ST8SIA6: variants seen among roughly 807,000 people sequenced by gnomAD.
ST8SIA6 encodes the protein alpha-2,8-sialyltransferase 8F.
ST8SIA6 carries 39 observed loss-of-function variants against 33.6 expected under a neutral mutation model. The ratio of observed to expected loss-of-function variants is 1.16; its 90% CI spans 0.90 to 1.52. ST8SIA6 has a LOEUF of 1.52. Ranked by LOEUF, ST8SIA6 falls within the 40% of genes most tolerant of loss-of-function variation. ST8SIA6 has a pLI of 0.00. For synonymous variants in ST8SIA6, 172 were observed against 167.2 expected, an observed-to-expected ratio of 1.03 and a Z score of -0.22; for missense variants, 441 against 443.8, an observed-to-expected ratio of 0.99 and a Z score of 0.06.
intron 4 of ST8SIA6, among the ~76,000 whole-genome samples, chr10:17,333,717 A>ATATTT (rs1251981910): frequency 1.8e-4 from 6 of 33,758 alleles, no homozygotes; most frequent in African/African-American, 5.2e-4. Context: ...ATATATATAT[A>ATATTT]TTTTTTTTTT....
At chr10:17,368,849 C>T (rs1189546664) in intron 3 of ST8SIA6, among the ~76,000 whole-genome samples, 1 of 152,032 alleles carries the variant, frequency 6.6e-6, no homozygotes, top group Non-Finnish European at 1.5e-5. Flanking sequence ...ACCTCTGAGT[C>T]ACTCATGAAT....
chr10:17,429,119 T>C (rs2131719240), intron 2 of ST8SIA6, among the ~76,000 whole-genome samples: 1 of 152,004 alleles, frequency 6.6e-6, no homozygotes, highest in East Asian at 1.9e-4. Flanking sequence ...TTATATCTAG[T>C]ATTAGTAGAT....
chr10:17,377,351 T>C (rs1323980981), intron 3 of ST8SIA6, among the ~76,000 whole-genome samples: 3 of 152,246 alleles, frequency 2.0e-5, no homozygotes, highest in Non-Finnish European at 4.4e-5. Context: ...AAAAGCTTTA[T>C]TGTTCACACA....
chr10:17,347,356 G>A (rs1175116377), intron 4 of ST8SIA6, among the ~76,000 whole-genome samples: 1 of 152,164 alleles, frequency 6.6e-6, no homozygotes, highest in Non-Finnish European at 1.5e-5. Context: ...GACAGCAAGG[G>A]TCATGCAGGG....
Position 17,317,058 on chromosome 10 carries a change from T to C in ST8SIA6, c.*3820A>G, listed in dbSNP as rs539594279. ...GTATCTCAAACATAATTCTCCTACA[T>C]TTTCTTCTATGAGCTTTAAAGTTTT... On this transcript the variant is annotated 3_prime_UTR_variant, in exon 8 of 8. Coordinates refer to ENST00000377602, the MANE Select transcript of ST8SIA6 (RefSeq NM_001004470.3). Among the ~76,000 whole-genome samples, 5 of 152,294 alleles carry C rather than the reference T, an allele frequency of 3.3e-5. No homozygotes were observed. In the South Asian group the frequency reaches 1.0e-3, roughly 32 times the overall value.
chr10:17,365,904 A>T (rs1849543069), intron 3 of ST8SIA6, among the ~76,000 whole-genome samples: 1 of 152,170 alleles, frequency 6.6e-6, no homozygotes, highest in African/African-American at 2.4e-5. Flanking sequence ...CAGTAATATT[A>T]AGTCAGTAGT....
intron 3 of ST8SIA6, among the ~76,000 whole-genome samples, chr10:17,377,705 A>G (rs976662389): frequency 6.6e-6 from 1 of 152,244 alleles, no homozygotes. Flanking sequence ...CCCTCCCACT[A>G]TAACTCCATC....
intron 2 of ST8SIA6, among the ~76,000 whole-genome samples, chr10:17,450,536 G>A (rs76271788): frequency 0.014 from 2,058 of 152,246 alleles, 26 homozygotes; most frequent in Non-Finnish European, 0.022. Flanking sequence ...CCCTTCGTTG[G>A]TTCAAGCGAT....
At chr10:17,449,708 G>C (rs982176070) in intron 2 of ST8SIA6, among the ~76,000 whole-genome samples, 2 of 152,156 alleles carry the variant, frequency 1.3e-5, no homozygotes, top group African/African-American at 4.8e-5. Context: ...TAAGGCTTGA[G>C]CTTGAGTTAG....
intron 2 of ST8SIA6, among the ~76,000 whole-genome samples, chr10:17,441,154 T>G (rs1852476543): frequency 6.6e-6 from 1 of 152,130 alleles, no homozygotes. Flanking sequence ...ATTATGCTTT[T>G]GGTGCCACAT....
At chr10:17,349,546 G>A (rs1473676415) in intron 4 of ST8SIA6, among the ~76,000 whole-genome samples, 1 of 152,156 alleles carries the variant, frequency 6.6e-6, no homozygotes. Context: ...CCATTTTACT[G>A]ATAAAGACAC....
chr10:17,350,911 T>A (rs1205674901), intron 4 of ST8SIA6, among the ~76,000 whole-genome samples: 1 of 152,188 alleles, frequency 6.6e-6, no homozygotes, highest in Non-Finnish European at 1.5e-5. Flanking sequence ...GAAGGTGGCA[T>A]GACCTGTACA....
In ST8SIA6 at chr10:17,432,216, T is replaced by G. The variant is rs142194242; in HGVS notation, c.200+21343A>C. The stretch of plus-strand genomic sequence containing the variant: ...AGTCAGAGAAGCAGTGGGGACCAGA[T>G]TTTTTAATGACTCACCAGCCTCGGA... On this transcript the variant is annotated intron_variant, in intron 2 of 7. Transcript: ENST00000377602. 3.8e-3 allele frequency among the ~76,000 whole-genome samples: 574 copies of G among 152,296 alleles called. 4 individuals are homozygous for G. Among genetic ancestry groups the G allele is most frequent in the African/African-American group, 0.011 (461 of 41,556 alleles).
Position 17,343,765 on chromosome 10 carries a change from T to A in ST8SIA6, c.378-12213A>T, listed in dbSNP as rs74657783. ...GATCAGAGGAGCAGGTTTACACAGA[T>A]AGAACGTTCTACAGAAAGTGCCCGG... On this transcript the variant is annotated intron_variant, in intron 4 of 7. Transcript: ENST00000377602. 7.1e-3 allele frequency among the ~76,000 whole-genome samples: 1,079 copies of A among 152,182 alleles called. 14 individuals carry two copies. Among genetic ancestry groups the A allele is most frequent in the African/African-American group, 0.025 (1,036 of 41,516 alleles).
chr10:17,324,013 T>A (rs1050511995), intron 6 of ST8SIA6, among the ~76,000 whole-genome samples: 1 of 152,174 alleles, frequency 6.6e-6, no homozygotes, highest in African/African-American at 2.4e-5. Context: ...AATGTTCTTA[T>A]AGTGATGTTT....
intron 2 of ST8SIA6, among the ~76,000 whole-genome samples, chr10:17,404,135 T>C (rs1301865983): frequency 5.3e-5 from 8 of 151,530 alleles, no homozygotes. Flanking sequence ...TTAGGTGCCA[T>C]GTGTATTGTT....
At chr10:17,410,440 C>G (rs1851413818) in intron 2 of ST8SIA6, 1 of 152,114 alleles carries the variant, frequency 6.6e-6, no homozygotes, top group Non-Finnish European at 1.5e-5. Flanking sequence ...TCCCCATCAA[C>G]CAAGATTTTT....
chr10:17,444,231 G>C (rs920257039), intron 2 of ST8SIA6, among the ~76,000 whole-genome samples: 1 of 152,086 alleles, frequency 6.6e-6, no homozygotes, highest in Non-Finnish European at 1.5e-5. Flanking sequence ...ACCAGACAAC[G>C]CTACCCAACT....
At chr10:17,378,875 C>A (rs1850011290) in intron 3 of ST8SIA6, among the ~76,000 whole-genome samples, 1 of 152,020 alleles carries the variant, frequency 6.6e-6, no homozygotes, top group Non-Finnish European at 1.5e-5. Context: ...ACCTGTAATC[C>A]CAACACTTTG....
Sources: allele counts gnomAD v4.1 joint callset (sites outside exome capture counted in the v4.1 genomes callset), GRCh38; gene constraint gnomAD v4.1.1; transcripts MANE v1.5; gene names NCBI Gene and HGNC (gene_info 2026-07-23, HGNC 2026-07-21).